Variants in ATF7IP observed in about 807,000 individuals in gnomAD.
ATF7IP encodes activating transcription factor 7-interacting protein 1.
A neutral mutation model predicts 106.4 loss-of-function variants in ATF7IP; 23 were observed. The observed-to-expected ratio is 0.22, with a 90% CI of 0.16 to 0.31. The LOEUF (loss-of-function observed/expected upper bound fraction) is 0.31, where lower values mean the gene tolerates loss of function less well. Among genes scored for constraint, ATF7IP ranks in the 10% least tolerant of loss-of-function variants. The probability of loss-of-function intolerance (pLI) is 1.00; values close to 1 mark genes in which losing one functional copy is unlikely to be tolerated. For synonymous variants in ATF7IP, 542 were observed against 539.0 expected (o/e 1.01, Z -0.08); for missense variants, 1,334 against 1,524.3 (o/e 0.88, Z 2.08).
chr12:14,492,011 T>C (rs1944842216), intron 13 of ATF7IP, among the ~76,000 whole-genome samples: 1 of 152,216 alleles, frequency 6.6e-6, no homozygotes, highest in African/African-American at 2.4e-5. Flanking sequence ...ATTTACTACT[T>C]TTTAGAGGCA....
rs924962094 is a variant in ATF7IP at position 14,492,315 on chromosome 12, A to T, written c.3281-3916A>T. 2.0e-5 allele frequency among the ~76,000 whole-genome samples: 3 copies of T among 152,208 alleles called. No individual in the cohort carries two copies. The East Asian group carries it at 5.8e-4, about 29-fold the overall frequency. The stretch of plus-strand genomic sequence containing the variant: ...TGTAAGCTCAGAACCAGTGTCCAGT[A>T]GTCCCTGAAATGTCTGATCGTTTCC... On this transcript the variant is annotated intron_variant, in intron 13 of 14. Transcript: ENST00000261168.
chr12:14,461,276 A>C lies in ATF7IP; in HGVS notation c.2797+143A>C, dbSNP rs1371915225. 1.0e-5 allele frequency: 8 copies of C among 765,488 alleles called. No homozygotes were observed. The East Asian group carries it at 2.3e-4, about 22-fold the overall frequency. The allele number at this position is 765,488 out of a possible 1,614,324, so 47.4% of individuals were successfully genotyped here. ...TCTTGATTATTTTTAGTAATTTTTT[A>C]GATACCTGAGAGAAATGATGTTGCT... is the stretch of plus-strand genomic sequence containing the variant. On this transcript the variant is annotated intron_variant, in intron 9 of 14. Coordinates refer to ENST00000261168, the MANE Select transcript of ATF7IP (RefSeq NM_018179.5).
chr12:14,462,888 A>G (rs933182650), intron 9 of ATF7IP, among the ~76,000 whole-genome samples: 2 of 151,976 alleles, frequency 1.3e-5, no homozygotes, highest in Admixed American at 1.3e-4. Context: ...CTTCATTTCA[A>G]GTTCCATTTA....
At chr12:14,440,045 A>G (rs759188978) in intron 5 of ATF7IP, among the ~76,000 whole-genome samples, 2 of 152,142 alleles carry the variant, frequency 1.3e-5, no homozygotes, top group African/African-American at 4.8e-5. Context: ...GTTACTGACA[A>G]TTTCTGAATT....
intron 6 of ATF7IP, among the ~76,000 whole-genome samples, chr12:14,454,140 G>C (rs1943325000): frequency 6.6e-6 from 1 of 152,168 alleles, no homozygotes; most frequent in Non-Finnish European, 1.5e-5. Context: ...TCACCAGTCA[G>C]CCTTGTTAGA....
intron 13 of ATF7IP, among the ~76,000 whole-genome samples, chr12:14,493,373 T>C (rs924659050): frequency 1.1e-4 from 17 of 152,204 alleles, no homozygotes; most frequent in African/African-American, 3.9e-4. Context: ...ACCAGTACTT[T>C]AGTGTAGTTA....
At position 14,499,053 on chromosome 12, in the gene ATF7IP, C is replaced by A. The variant is rs1945090770; in HGVS notation, c.*980C>A. 1 of 152,114 alleles carries A rather than the reference C, an allele frequency of 6.6e-6. No individual in the cohort carries two copies. The highest frequency in any genetic ancestry group is 2.1e-4 in the South Asian group (1 of 4,814). 9.4% of individuals were successfully genotyped at this position (152,114 alleles called of 1,614,324 possible). On this transcript the variant is annotated 3_prime_UTR_variant, in exon 15 of 15. Coordinates refer to ENST00000261168, the MANE Select transcript of ATF7IP (RefSeq NM_018179.5). ...TAGAGATGGGGTTTCACCATGTTGG[C>A]CAGGCTGGTCTTGAACTCCTGACCT...
chr12:14,499,427 A>T lies in ATF7IP; in HGVS notation c.*1354A>T, dbSNP rs1381361873. On this transcript the variant is annotated 3_prime_UTR_variant, in exon 15 of 15. Coordinates refer to ENST00000261168, the MANE Select transcript of ATF7IP (RefSeq NM_018179.5). ...TGCACACTGTGTTAGAGATTATGAAAACCATTCTAGTTCAGTTTATCACCC... is the reference window on the plus strand; with the variant it reads ...TGCACACTGTGTTAGAGATTATGAATACCATTCTAGTTCAGTTTATCACCC... 6.6e-6 allele frequency: 1 copy of T among 152,188 alleles called. No homozygotes were observed. Among genetic ancestry groups the T allele is most frequent in the Non-Finnish European group, 1.5e-5 (1 of 68,042 alleles). The allele number at this position is 152,188 out of a possible 1,614,324, so 9.4% of individuals were successfully genotyped here. A position where few individuals can be genotyped will look rare whatever the true frequency, so the allele number is the denominator to read the frequency against.
intron 1 of ATF7IP, among the ~76,000 whole-genome samples, chr12:14,387,981 T>C (rs1218933890): frequency 6.6e-6 from 1 of 151,932 alleles, no homozygotes; most frequent in Non-Finnish European, 1.5e-5. Flanking sequence ...ATTGACGAGC[T>C]TATTCCATTT....
chr12:14,436,805 TATG>T (rs1186212475), intron 4 of ATF7IP, among the ~76,000 whole-genome samples: 5 of 151,900 alleles, frequency 3.3e-5, no homozygotes, highest in African/African-American at 1.2e-4. Context: ...TAAAAAAGGT[TATG>T]ATTATCAAAA....
At chr12:14,369,117 T>C (rs1340312050) in intron 1 of ATF7IP, 1 of 111,186 alleles carries the variant, frequency 9.0e-6, no homozygotes, top group Non-Finnish European at 1.9e-5. Context: ...GCTAATTTTT[T>C]CTTTTTTTTT....
intron 1 of ATF7IP, chr12:14,419,011 C>T (rs1055980500): frequency 2.0e-5 from 3 of 151,894 alleles, no homozygotes; most frequent in African/African-American, 7.3e-5. Flanking sequence ...TTAGTTTATT[C>T]CTAAAAACAT....
intron 2 of ATF7IP, among the ~76,000 whole-genome samples, chr12:14,431,686 A>ATGTG (rs1942150104): frequency 6.6e-6 from 1 of 151,740 alleles, no homozygotes; most frequent in Non-Finnish European, 1.5e-5. Context: ...GAGCCACCAC[A>ATGTG]CCCGGCAGTA....
At chr12:14,391,381 A>G (rs545143187) in intron 1 of ATF7IP, among the ~76,000 whole-genome samples, 13 of 152,342 alleles carry the variant, frequency 8.5e-5, no homozygotes, top group South Asian at 4.1e-4. Context: ...CAGTAGAACT[A>G]TCTGACTCGT....
At chr12:14,458,792 G>A (rs1429339319) in intron 8 of ATF7IP, among the ~76,000 whole-genome samples, 3 of 151,512 alleles carry the variant, frequency 2.0e-5, no homozygotes, top group African/African-American at 4.9e-5. Context: ...CAGTGTACTC[G>A]ATCCTGGGCG....
At position 14,423,889 on chromosome 12, in the gene ATF7IP, C is replaced by T. The variant is rs540694177; in HGVS notation, c.-7-20C>T. On this transcript the variant is annotated intron_variant, in intron 1 of 14. Transcript: ENST00000261168. ...GCTTCTGTTTCAGTTATTAAACTCT[C>T]TTTCTCTTTTTTCTTAAAGATTCAG... 1.9e-6 allele frequency: 3 copies of T among 1,549,074 alleles called. No homozygotes were observed. In the African/African-American group the frequency reaches 4.2e-5, roughly 21 times the overall value.
chr12:14,399,673 T>C (rs1940075371), intron 1 of ATF7IP, among the ~76,000 whole-genome samples: 1 of 152,122 alleles, frequency 6.6e-6, no homozygotes, highest in Non-Finnish European at 1.5e-5. Flanking sequence ...TCTGGGTATA[T>C]TTCTTATGTG....
At chr12:14,497,051 A>G (rs556325712) in intron 14 of ATF7IP, among the ~76,000 whole-genome samples, 1 of 152,304 alleles carries the variant, frequency 6.6e-6, no homozygotes, top group Admixed American at 6.5e-5. Context: ...TACTGTCCAC[A>G]TGCCTTTGCT....
At chr12:14,377,059 A>C (rs990837474) in intron 1 of ATF7IP, among the ~76,000 whole-genome samples, 2 of 152,028 alleles carry the variant, frequency 1.3e-5, no homozygotes, top group African/African-American at 4.8e-5. Flanking sequence ...CAGTGGCATG[A>C]TCTTGGCTCA....
Sources: allele counts gnomAD v4.1 joint callset (sites outside exome capture counted in the v4.1 genomes callset), GRCh38; gene constraint gnomAD v4.1.1; transcripts MANE v1.5; gene names NCBI Gene and HGNC (gene_info 2026-07-23, HGNC 2026-07-21).